Variants in LDLRAD4 observed in about 807,000 individuals in gnomAD.
The protein encoded by LDLRAD4 is low density lipoprotein receptor class A domain containing 4.
In LDLRAD4, 5 loss-of-function variants were observed where a neutral mutation model predicts 17.0. The ratio of observed to expected loss-of-function variants is 0.29; its 90% CI spans 0.15 to 0.62. LDLRAD4 has a LOEUF of 0.62. LDLRAD4 is among the 20% of genes least tolerant of loss of function. LDLRAD4 has a pLI of 0.84. For missense variants in LDLRAD4, 340 were observed against 424.7 expected (o/e 0.80, Z 1.75); for synonymous variants, 168 against 171.8 (o/e 0.98, Z 0.17).
intron 1 of LDLRAD4, among the ~76,000 whole-genome samples, chr18:13,347,638 G>C (rs954087208): frequency 1.2e-4 from 19 of 152,326 alleles, no homozygotes; most frequent in Non-Finnish European, 2.1e-4. Context: ...GATTGGGGAA[G>C]TTCTTCTGGA....
chr18:13,638,628 G>A (rs930342850), intron 4 of LDLRAD4, among the ~76,000 whole-genome samples: 12 of 152,216 alleles, frequency 7.9e-5, no homozygotes, highest in African/African-American at 2.2e-4. Context: ...TGCTCAGTGC[G>A]ATGTGGGTCT....
chr18:13,361,804 A>G (rs1442070257), intron 1 of LDLRAD4, among the ~76,000 whole-genome samples: 1 of 152,148 alleles, frequency 6.6e-6, no homozygotes, highest in Non-Finnish European at 1.5e-5. Context: ...TGTCAGCTGC[A>G]TTCTTGGTAG....
intron 1 of LDLRAD4, among the ~76,000 whole-genome samples, chr18:13,255,139 A>G (rs2043432747): frequency 6.6e-6 from 1 of 152,224 alleles, no homozygotes. Context: ...TGGGTTCAGC[A>G]GATACTTCCA....
At chr18:13,619,067 C>T (rs541511936) in intron 3 of LDLRAD4, among the ~76,000 whole-genome samples, 236 of 152,332 alleles carry the variant, frequency 1.5e-3, no homozygotes, top group African/African-American at 5.3e-3. Flanking sequence ...CAGAGCCCAC[C>T]GGGGCCACAC....
At chr18:13,350,332 G>A (rs1368513822) in intron 1 of LDLRAD4, among the ~76,000 whole-genome samples, 1 of 152,146 alleles carries the variant, frequency 6.6e-6, no homozygotes, top group African/African-American at 2.4e-5. Context: ...TCTGACTTGT[G>A]TGAGATGGTA....
At chr18:13,271,866 G>A (rs1217177432) in intron 1 of LDLRAD4, among the ~76,000 whole-genome samples, 1 of 135,918 alleles carries the variant, frequency 7.4e-6, no homozygotes, top group Non-Finnish European at 1.6e-5. Flanking sequence ...CAGCAAGTCA[G>A]TTTCCACCCC....
At chr18:13,387,218 G>C (rs891876905) in intron 1 of LDLRAD4, 123 bp from the exon 3 acceptor site, 1 of 153,028 alleles carries the variant, frequency 6.5e-6, no homozygotes. Flanking sequence ...GCCCCTGTGG[G>C]AGCCCCCATG....
At chr18:13,412,782 G>A (rs921096038) in intron 2 of LDLRAD4, among the ~76,000 whole-genome samples, 1 of 152,210 alleles carries the variant, frequency 6.6e-6, no homozygotes, top group Admixed American at 6.6e-5. Flanking sequence ...GCACCCGGCA[G>A]CCAGTAGGCG....
chr18:13,587,447 C>A (rs527395325), intron 3 of LDLRAD4, among the ~76,000 whole-genome samples: 22 of 152,298 alleles, frequency 1.4e-4, no homozygotes, highest in African/African-American at 5.1e-4. Flanking sequence ...CAGATTCCCT[C>A]ACAGAAAGGA....
At chr18:13,533,222 CAA>C (rs2094154505) in intron 3 of LDLRAD4, among the ~76,000 whole-genome samples, 2 of 152,140 alleles carry the variant, frequency 1.3e-5, no homozygotes, top group African/African-American at 4.8e-5. Context: ...TGTATCTCCA[CAA>C]AGAGATGTTT....
At position 13,581,713 on chromosome 18, in the gene LDLRAD4, C is replaced by A. The variant is rs569163537; in HGVS notation, c.182-39404C>A. Among the ~76,000 whole-genome samples the A allele has an allele frequency of 2.6e-5, 4 of 152,268 alleles. No individual in the cohort carries two copies. In the East Asian group the frequency reaches 7.7e-4, roughly 29 times the overall value. ...AGTGGTTAAAAATACAAATTGCAAG[C>A]CTGTCTTGGTGGGCATGTATACAGA... On this transcript the variant is annotated intron_variant, in intron 3 of 5. Coordinates refer to ENST00000359446, the Ensembl canonical transcript of LDLRAD4.
At chr18:13,352,307 A>G (rs1568039501) in intron 1 of LDLRAD4, among the ~76,000 whole-genome samples, 1 of 152,350 alleles carries the variant, frequency 6.6e-6, no homozygotes, top group East Asian at 1.9e-4. Context: ...TCAAATAGGA[A>G]TAGAGGACGT....
chr18:13,344,747 T>G (rs1464247341), intron 1 of LDLRAD4, among the ~76,000 whole-genome samples: 2 of 152,248 alleles, frequency 1.3e-5, no homozygotes, highest in Non-Finnish European at 2.9e-5. Context: ...TTGTATCCTC[T>G]TTTATTTCAT....
At chr18:13,562,650 G>C (rs1276789861) in intron 3 of LDLRAD4, among the ~76,000 whole-genome samples, 1 of 152,058 alleles carries the variant, frequency 6.6e-6, no homozygotes, top group Non-Finnish European at 1.5e-5. Flanking sequence ...GTCCCTAATG[G>C]CCCAGCCCCT....
chr18:13,650,564 T>C (rs2043205184), exon 6 of LDLRAD4: 6 of 394,774 alleles, frequency 1.5e-5, no homozygotes, highest in Middle Eastern at 1.3e-3. Flanking sequence ...CTGCACTTGA[T>C]GCTCCCACCT....
At chr18:13,288,357 AT>A (rs2045752808) in intron 1 of LDLRAD4, among the ~76,000 whole-genome samples, 1 of 152,240 alleles carries the variant, frequency 6.6e-6, no homozygotes, top group Admixed American at 6.5e-5. Flanking sequence ...GGACACGTGT[AT>A]TGAAACTGAA....
chr18:13,298,676 A>C (rs567197921), intron 1 of LDLRAD4, among the ~76,000 whole-genome samples: 3 of 151,794 alleles, frequency 2.0e-5, no homozygotes, highest in African/African-American at 7.3e-5. Context: ...TGCTGTGGGC[A>C]TGGTGATGTT....
chr18:13,544,554 T>C (rs543748604), intron 3 of LDLRAD4, among the ~76,000 whole-genome samples: 25 of 152,330 alleles, frequency 1.6e-4, no homozygotes, highest in African/African-American at 5.8e-4. Flanking sequence ...CCTGGTACAG[T>C]GACTGCTGTG....
intron 3 of LDLRAD4, among the ~76,000 whole-genome samples, chr18:13,617,349 A>G (rs1274840686): frequency 1.3e-5 from 2 of 152,226 alleles, no homozygotes; most frequent in Non-Finnish European, 2.9e-5. Flanking sequence ...CTTTCAGTCA[A>G]TATCACATGT....
Sources: allele counts gnomAD v4.1 joint callset (sites outside exome capture counted in the v4.1 genomes callset), GRCh38; gene constraint gnomAD v4.1.1; transcripts MANE v1.5; gene names NCBI Gene and HGNC (gene_info 2026-07-23, HGNC 2026-07-21).